Variants in EYS observed in about 807,000 individuals in gnomAD.
EYS encodes EGF-like photoreceptor maintenance factor.
A neutral mutation model predicts 282.1 loss-of-function variants in EYS; 250 were observed. The observed-to-expected ratio is 0.89, with a 90% confidence interval of 0.80 to 0.98. The LOEUF (loss-of-function observed/expected upper bound fraction) is 0.98, where lower values mean the gene tolerates loss of function less well. Ranked by LOEUF, EYS falls within the 50% of genes least tolerant of loss-of-function variation. EYS has a pLI of 0.00. For missense variants in EYS, 4,016 were observed against 3,709.0 expected (o/e 1.08, Z -2.15); for synonymous variants, 1,355 against 1,282.9 (o/e 1.06, Z -1.20).
At chr6:64,303,603 G>A (rs914436880) in intron 30 of EYS, among the ~76,000 whole-genome samples, 16 of 152,144 alleles carry the variant, frequency 1.1e-4, no homozygotes, top group Admixed American at 6.5e-4. Flanking sequence ...AGCACTTTGG[G>A]AGGCCGAGAC....
At chr6:65,191,773 T>C (rs1765647061) in intron 12 of EYS, among the ~76,000 whole-genome samples, 1 of 151,820 alleles carries the variant, frequency 6.6e-6, no homozygotes, top group Non-Finnish European at 1.5e-5. Flanking sequence ...TATGCTAACT[T>C]ACCCTTCAAT....
chr6:63,788,395 T>G, intron 38 of EYS, 146 bp from the exon 39 acceptor site: 1 of 609,594 alleles, frequency 1.6e-6, no homozygotes, highest in Non-Finnish European at 2.8e-6. Flanking sequence ...TACCACTCAA[T>G]TCTCTGCTTC....
At chr6:64,269,890 A>G (rs925737624) in intron 30 of EYS, among the ~76,000 whole-genome samples, 4 of 152,050 alleles carry the variant, frequency 2.6e-5, no homozygotes, top group African/African-American at 9.7e-5. Flanking sequence ...TACAACAAAC[A>G]TATTTTGACT....
intron 26 of EYS, among the ~76,000 whole-genome samples, chr6:64,518,999 T>C: frequency 6.6e-6 from 1 of 151,776 alleles, no homozygotes; most frequent in East Asian, 1.9e-4. Context: ...TAAGAACAAA[T>C]TTTACTGTGG....
intron 2 of EYS, among the ~76,000 whole-genome samples, chr6:65,636,962 C>T (rs995944865): frequency 6.6e-6 from 1 of 152,152 alleles, no homozygotes; most frequent in African/African-American, 2.4e-5. Context: ...CCAGTTTACA[C>T]CACCACAGTT....
chr6:65,234,133 G>A (rs963777987), intron 12 of EYS, among the ~76,000 whole-genome samples: 1 of 152,034 alleles, frequency 6.6e-6, no homozygotes, highest in African/African-American at 2.4e-5. Context: ...GGAATTCTAT[G>A]CTTTTTGTAC....
chr6:65,047,378 C>T (rs1773135686), intron 13 of EYS, among the ~76,000 whole-genome samples: 1 of 151,868 alleles, frequency 6.6e-6, no homozygotes, highest in Non-Finnish European at 1.5e-5. Context: ...TTGACAAAGT[C>T]CAATTTATTA....
At position 64,783,872 on chromosome 6, in the gene EYS, C is replaced by T. The variant is rs577737700; in HGVS notation, c.3443+29506G>A. On this transcript the variant is annotated intron_variant, in intron 22 of 42. Transcript: ENST00000503581. ...TTTACCCCAACTCTGCTTTAGGAAC[C>T]CTAGTTCAGTCAATGATTCTCAAAA... 7.9e-5 allele frequency among the ~76,000 whole-genome samples: 12 copies of T among 152,122 alleles called. No homozygotes were observed. In the East Asian group the frequency reaches 1.9e-3, roughly 25 times the overall value.
intron 28 of EYS, among the ~76,000 whole-genome samples, chr6:64,415,870 T>C (rs765396345): frequency 5.3e-5 from 8 of 152,188 alleles, no homozygotes; most frequent in Non-Finnish European, 2.9e-5. Context: ...CATTTGATTA[T>C]AGTAGTATTT....
At chr6:65,312,862 A>T (rs546764023) in intron 11 of EYS, among the ~76,000 whole-genome samples, 1 of 152,092 alleles carries the variant, frequency 6.6e-6, no homozygotes, top group Non-Finnish European at 1.5e-5. Flanking sequence ...ATATATGCCA[A>T]TCTCAAAGTT....
chr6:65,343,974 C>T, intron 10 of EYS, 64 bp downstream of exon 10: 2 of 1,386,464 alleles, frequency 1.4e-6, no homozygotes, highest in Non-Finnish European at 2.0e-6. Context: ...TTCTAACTTT[C>T]TAAAAATCAG....
chr6:64,831,102 T>A (rs1472713288), intron 19 of EYS, among the ~76,000 whole-genome samples: 1 of 151,984 alleles, frequency 6.6e-6, no homozygotes, highest in African/African-American at 2.4e-5. Flanking sequence ...CTCTTTCCCC[T>A]CGCAGGCATT....
At chr6:65,434,635 A>G (rs193230966) in intron 5 of EYS, among the ~76,000 whole-genome samples, 1 of 152,184 alleles carries the variant, frequency 6.6e-6, no homozygotes, top group African/African-American at 2.4e-5. Context: ...ATTTTTAAAT[A>G]AGGAAAATTT....
chr6:64,191,692 T>C (rs1582405147), intron 31 of EYS, among the ~76,000 whole-genome samples: 1 of 152,128 alleles, frequency 6.6e-6, no homozygotes, highest in Non-Finnish European at 1.5e-5. Flanking sequence ...TATTCCATGG[T>C]GTATATGTGC....
At chr6:64,179,354 T>C (rs984455817) in intron 31 of EYS, among the ~76,000 whole-genome samples, 1 of 152,042 alleles carries the variant, frequency 6.6e-6, no homozygotes, top group Non-Finnish European at 1.5e-5. Context: ...ATTAAGTTTT[T>C]AAAAAAGACC....
At chr6:64,643,523 G>C (rs888429959) in intron 22 of EYS, among the ~76,000 whole-genome samples, 3 of 152,160 alleles carry the variant, frequency 2.0e-5, no homozygotes, top group Non-Finnish European at 4.4e-5. Context: ...TTGGGGGTGA[G>C]AGTAGGTGTA....
chr6:64,261,475 T>G (rs1360043737), intron 30 of EYS, among the ~76,000 whole-genome samples: 1 of 152,148 alleles, frequency 6.6e-6, no homozygotes, highest in African/African-American at 2.4e-5. Flanking sequence ...TGTTTTTGTC[T>G]TATTTTATTG....
intron 36 of EYS, among the ~76,000 whole-genome samples, chr6:63,860,195 A>T (rs1772498758): frequency 6.6e-6 from 1 of 152,214 alleles, no homozygotes; most frequent in African/African-American, 2.4e-5. Flanking sequence ...ACCTCATACT[A>T]GTTGGTGGGG....
chr6:64,563,422 C>G (rs1163207139), intron 26 of EYS, among the ~76,000 whole-genome samples: 6 of 151,966 alleles, frequency 3.9e-5, no homozygotes, highest in Non-Finnish European at 7.4e-5. Flanking sequence ...AATAATTAAG[C>G]TGTATAGAGA....
Sources: allele counts gnomAD v4.1 joint callset (sites outside exome capture counted in the v4.1 genomes callset), GRCh38; gene constraint gnomAD v4.1.1; transcripts MANE v1.5; gene names NCBI Gene and HGNC (gene_info 2026-07-23, HGNC 2026-07-21).